The following COMMD1 variants were observed in gnomAD, a reference collection of about 807,000 sequenced individuals.
COMMD1 encodes the protein COMM domain-containing protein 1.
A neutral mutation model predicts 17.2 loss-of-function variants in COMMD1; 10 were observed. The observed-to-expected ratio is 0.58, with a 90% CI of 0.36 to 0.99. COMMD1 has a LOEUF of 0.99. Ranked by LOEUF, COMMD1 falls within the 50% of genes least tolerant of loss-of-function variation. The pLI is 0.01. For synonymous variants in COMMD1, 97 were observed against 91.6 expected, an observed-to-expected ratio of 1.06 and a Z score of -0.34; for missense variants, 270 against 231.8, an observed-to-expected ratio of 1.17 and a Z score of -1.07.
At chr2:61,980,972 G>T (rs1363771948) in intron 1 of COMMD1, among the ~76,000 whole-genome samples, 1 of 152,044 alleles carries the variant, frequency 6.6e-6, no homozygotes, top group Non-Finnish European at 1.5e-5. Context: ...TGTCTGTTCA[G>T]CTTTTTTTGC....
intron 2 of COMMD1, among the ~76,000 whole-genome samples, chr2:62,077,422 G>T (rs542357428): frequency 9.2e-5 from 14 of 152,300 alleles, no homozygotes; most frequent in African/African-American, 3.1e-4. Context: ...CACGTCATTT[G>T]AAGGTATTTT....
intron 2 of COMMD1, among the ~76,000 whole-genome samples, chr2:62,108,816 G>A (rs1672381402): frequency 2.0e-5 from 3 of 152,192 alleles, no homozygotes; most frequent in Admixed American, 2.0e-4. Context: ...ATAACTGTAA[G>A]CATTGTGCAA....
intron 2 of COMMD1, among the ~76,000 whole-genome samples, chr2:62,105,978 G>C (rs143779596): frequency 1.3e-5 from 2 of 152,316 alleles, no homozygotes; most frequent in Non-Finnish European, 2.9e-5. Flanking sequence ...AAAGACCTGT[G>C]AAATCCTTTA....
In COMMD1 at chr2:61,972,879, C is replaced by T. The variant is rs1024649849; in HGVS notation, c.181-27822C>T. On this transcript the variant is annotated intron_variant, in intron 1 of 2. Transcript: ENST00000311832. Reference sequence around the variant, plus strand: ...AGAGACTGGGTTTCAGCAAGTTGGCCAGGCTGGTCCCAAACTCCTAACCTC... The same window carrying T: ...AGAGACTGGGTTTCAGCAAGTTGGCTAGGCTGGTCCCAAACTCCTAACCTC... Among the ~76,000 whole-genome samples the T allele has an allele frequency of 3.9e-5, 6 of 152,134 alleles. No homozygotes were observed. The East Asian group carries it at 1.2e-3, about 29-fold the overall frequency.
In COMMD1 at chr2:61,910,258, C is replaced by G. The variant is rs546751274; in HGVS notation, c.180+4400C>G. ...AGGCAGTTGCTAAACACTGCCCCCC[C>G]CTTTTTTTTTAAGACGGAGTCTCAC... On this transcript the variant is annotated intron_variant, in intron 1 of 2. Transcript: ENST00000311832. 1.6e-4 allele frequency among the ~76,000 whole-genome samples: 25 copies of G among 151,890 alleles called. No homozygotes were observed. The South Asian group carries it at 5.2e-3, about 32-fold the overall frequency.
At position 61,996,314 on chromosome 2, in the gene COMMD1, A is replaced by ATATG. The variant is rs1491191568; in HGVS notation, c.181-4386_181-4385insATGT. On this transcript the variant is annotated intron_variant, in intron 1 of 2. Coordinates refer to ENST00000311832, the MANE Select transcript of COMMD1 (RefSeq NM_152516.4). ...TTGATGTCTTGTTTTTGTTTTCTAA[A>ATATG]TGTGTGTGTGTGTGTGTGTGTGTGT... Among the ~76,000 whole-genome samples, 1,053 of 142,388 alleles carry ATATG rather than the reference A, an allele frequency of 7.4e-3. 17 individuals carry two copies. Among genetic ancestry groups the ATATG allele is most frequent in the African/African-American group, 0.025 (925 of 37,468 alleles). 93.4% of individuals were successfully genotyped at this position (142,388 alleles called of 152,430 possible).
chr2:62,034,262 G>A (rs867948299), intron 2 of COMMD1, among the ~76,000 whole-genome samples: 5 of 152,204 alleles, frequency 3.3e-5, no homozygotes, highest in African/African-American at 1.2e-4. Context: ...AGCACTTTGG[G>A]AGGCCGAGGT....
At position 61,898,067 on chromosome 2, in the gene COMMD1, A is replaced by G. The variant is rs1486649612; in HGVS notation, n.119+9225A>G. Among the ~76,000 whole-genome samples the G allele has an allele frequency of 2.6e-5, 4 of 152,204 alleles. No individual in the cohort carries two copies. The East Asian group carries it at 7.7e-4, about 29-fold the overall frequency. On this transcript the variant is annotated intron_variant and non_coding_transcript_variant, in intron 1 of 2. Transcript: ENST00000472729. ...ATAACAACTCAGTCCATTGTATTTT[A>G]ATAATTTATTTACATGTAATTTTCC... is the stretch of plus-strand genomic sequence containing the variant.
intron 2 of COMMD1, among the ~76,000 whole-genome samples, chr2:62,134,244 T>G (rs1673124554): frequency 6.6e-6 from 1 of 152,220 alleles, no homozygotes; most frequent in South Asian, 2.1e-4. Context: ...GCTGGTATAT[T>G]CTGATACTTT....
chr2:62,100,304 G>A (rs1006516584), intron 2 of COMMD1: 1 of 152,132 alleles, frequency 6.6e-6, no homozygotes, highest in African/African-American at 2.4e-5. Flanking sequence ...GTGGCCCCAC[G>A]TGTTTGGGCA....
At chr2:61,998,246 C>CTTTTTTT (rs71410912) in intron 1 of COMMD1, among the ~76,000 whole-genome samples, 31 of 126,462 alleles carry the variant, frequency 2.5e-4, no homozygotes, top group Non-Finnish European at 3.2e-4. Context: ...GTTGTGCTTT[C>CTTTTTTT]TTTTTTTTTT....
At chr2:61,916,687 A>G (rs1361531609) in intron 1 of COMMD1, among the ~76,000 whole-genome samples, 1 of 152,086 alleles carries the variant, frequency 6.6e-6, no homozygotes, top group Non-Finnish European at 1.5e-5. Flanking sequence ...TCGGCCTCCC[A>G]AAGTGCTGGG....
chr2:61,892,122 T>C (rs1669446796), intron 1 of COMMD1, among the ~76,000 whole-genome samples: 1 of 151,838 alleles, frequency 6.6e-6, no homozygotes, highest in African/African-American at 2.4e-5. Flanking sequence ...TGAGCCACCA[T>C]GCCCGGCCAG....
At chr2:62,044,282 A>G (rs964259025) in intron 2 of COMMD1, among the ~76,000 whole-genome samples, 1 of 152,120 alleles carries the variant, frequency 6.6e-6, no homozygotes, top group Non-Finnish European at 1.5e-5. Flanking sequence ...CTGTTTAACA[A>G]CTCTTCATTC....
At chr2:62,008,059 G>C (rs1030959831) in intron 2 of COMMD1, among the ~76,000 whole-genome samples, 13 of 152,092 alleles carry the variant, frequency 8.5e-5, no homozygotes, top group African/African-American at 2.7e-4. Flanking sequence ...CTGCATGTCT[G>C]TAATCCAAGC....
At chr2:61,892,673 A>T (rs1030520120) in intron 1 of COMMD1, among the ~76,000 whole-genome samples, 1 of 151,262 alleles carries the variant, frequency 6.6e-6, no homozygotes, top group African/African-American at 2.4e-5. Flanking sequence ...CAGCCTGGGC[A>T]ACAAGAGGGA....
At position 62,020,577 on chromosome 2, in the gene COMMD1, A is replaced by G. The variant is rs556592791; in HGVS notation, c.462+19595A>G. Among the ~76,000 whole-genome samples, 259 of 152,296 alleles carry G rather than the reference A, an allele frequency of 1.7e-3. 1 individual carries two copies. The highest frequency in any genetic ancestry group is 5.9e-3 in the African/African-American group (244 of 41,570). ...CCAATATAACTTTCTTCAAAACCTT[A>G]TGGGTCTCCTGTTAATATTTGGGCT... On this transcript the variant is annotated intron_variant, in intron 2 of 2. Coordinates refer to ENST00000311832, the MANE Select transcript of COMMD1 (RefSeq NM_152516.4).
chr2:61,934,542 G>C (rs1452841853), intron 1 of COMMD1, among the ~76,000 whole-genome samples: 1 of 152,130 alleles, frequency 6.6e-6, no homozygotes, highest in African/African-American at 2.4e-5. Flanking sequence ...GAGCAACACA[G>C]GGAGACCCTG....
chr2:62,124,288 GA>G (rs1180875936), intron 2 of COMMD1, among the ~76,000 whole-genome samples: 1 of 152,176 alleles, frequency 6.6e-6, no homozygotes, highest in African/African-American at 2.4e-5. Context: ...AATGGAGCAA[GA>G]CTCCATCTCA....
Sources: allele counts gnomAD v4.1 joint callset (sites outside exome capture counted in the v4.1 genomes callset), GRCh38; gene constraint gnomAD v4.1.1; transcripts MANE v1.5; gene names NCBI Gene and HGNC (gene_info 2026-07-23, HGNC 2026-07-21).